Variants in XKRX observed in about 807,000 individuals in gnomAD.
XKRX encodes the protein XK related X-linked.
XKRX carries 11 observed loss-of-function variants against 22.4 expected under a neutral mutation model. That is an observed-to-expected ratio of 0.49 (90% CI 0.31 to 0.81). The LOEUF (loss-of-function observed/expected upper bound fraction) is 0.81, where lower values mean the gene tolerates loss of function less well. Ranked by LOEUF, XKRX falls within the 40% of genes least tolerant of loss-of-function variation. The pLI is 0.05. For synonymous variants in XKRX, 114 were observed against 132.2 expected, an observed-to-expected ratio of 0.86 and a Z score of 0.94; for missense variants, 320 against 336.5, an observed-to-expected ratio of 0.95 and a Z score of 0.38.
At chrX:100,906,155 T>C in the XKRX span, among the ~76,000 whole-genome samples, 1 of 111,560 alleles carries the variant, frequency 9.0e-6, no homozygotes, top group South Asian at 3.8e-4. Context: ...AGATTTTCCA[T>C]ATATCCCCTC....
chrX:100,888,437 T>G, the XKRX span: 1 of 1,000,753 alleles, frequency 1.0e-6, no homozygotes, highest in Non-Finnish European at 1.4e-6. Context: ...CCTGGAGCGC[T>G]TGGTGTTTGG....
chrX:100,916,728 G>A (rs1456628044), intron 2 of XKRX, among the ~76,000 whole-genome samples: 4 of 112,778 alleles, frequency 3.5e-5, no homozygotes, highest in Non-Finnish European at 5.6e-5. Flanking sequence ...CTTCACTGCT[G>A]TATTCCCATA....
rs1359396583 is a variant in XKRX, at chrX:100,914,009, C to G, written c.*329G>C. ...CTCAGCCCAGGAAAGCTCAGAAATG[C>G]ATCAAGCAAATGAGCAGAGCTAGAA... On this transcript the variant is annotated 3_prime_UTR_variant, in exon 3 of 3. Coordinates refer to ENST00000372956, the MANE Select transcript of XKRX (RefSeq NM_212559.3). The G allele has an allele frequency of 4.6e-6, 1 of 217,692 alleles. No individual in the cohort carries two copies. The highest frequency in any genetic ancestry group is 6.5e-5 in the Admixed American group (1 of 15,314). 17.9% of individuals were successfully genotyped at this position (217,692 alleles called of 1,213,427 possible).
rs2085508372 is a variant in XKRX at position 100,928,543 on chromosome X, C to A, written c.-239G>T. The A allele has an allele frequency of 4.0e-6, 4 of 1,002,290 alleles. No individual in the cohort carries two copies. The highest frequency in any genetic ancestry group is 5.0e-6 in the Non-Finnish European group (4 of 795,689). The allele number at this position is 1,002,290 out of a possible 1,213,427, so 82.6% of individuals were successfully genotyped here. Reference sequence around the variant, plus strand: ...CACTTTGAACTTGACTCTTGATTGGCCCCGATTCCAATCGTCAACATACTT... The same window carrying A: ...CACTTTGAACTTGACTCTTGATTGGACCCGATTCCAATCGTCAACATACTT... On this transcript the variant is annotated 5_prime_UTR_variant, in exon 1 of 3. Transcript: ENST00000372956.
chrX:100,893,218 G>A, the XKRX span, among the ~76,000 whole-genome samples: 2 of 111,738 alleles, frequency 1.8e-5, no homozygotes, highest in Non-Finnish European at 3.8e-5. Context: ...ACAAAGTTTC[G>A]GTGAGGATGA....
chrX:100,927,705 C>A (rs2147944330), intron 1 of XKRX, among the ~76,000 whole-genome samples: 1 of 111,779 alleles, frequency 8.9e-6, no homozygotes, highest in African/African-American at 3.2e-5. Flanking sequence ...ACAGGGTGAT[C>A]ACGTCTTGTT....
chrX:100,887,772 G>T, the XKRX span: 1 of 856,000 alleles, frequency 1.2e-6, no homozygotes, highest in African/African-American at 2.0e-5. Context: ...CTCCCTTCAC[G>T]GGTCCAAAAT....
At chrX:100,921,824 C>CTTTTTT (rs769704465) in intron 2 of XKRX, among the ~76,000 whole-genome samples, 5 of 56,341 alleles carry the variant, frequency 8.9e-5, no homozygotes, top group African/African-American at 4.7e-4. Context: ...TAACCCCACG[C>CTTTTTT]TTTTTTTTTT....
chrX:100,891,763 A>AAAGAAAGAAAAAAAGAAAG, the XKRX span, among the ~76,000 whole-genome samples: 1 of 59,207 alleles, frequency 1.7e-5, no homozygotes, highest in African/African-American at 8.7e-5. Flanking sequence ...AAGAAAGAAG[A>AAAGAAAGAAAAAAAGAAAG]AAAGAAAGAA....
chrX:100,937,425 T>G, the XKRX span, among the ~76,000 whole-genome samples: 1 of 112,175 alleles, frequency 8.9e-6, no homozygotes, highest in Admixed American at 9.5e-5. Flanking sequence ...AGTTTACCAT[T>G]TCTTAGGCAG....
the XKRX span, among the ~76,000 whole-genome samples, chrX:100,891,865 CCTTAT>C: frequency 5.5e-5 from 6 of 109,576 alleles, no homozygotes; most frequent in African/African-American, 1.7e-4. Context: ...GAAACTGGAC[CCTTAT>C]CTTATACTAT....
At chrX:100,908,583 C>A (rs1271628041), downstream of XKRX, among the ~76,000 whole-genome samples, 1 of 111,891 alleles carries the variant, frequency 8.9e-6, no homozygotes, top group Non-Finnish European at 1.9e-5. Context: ...GCCAATCCTT[C>A]AGGAGGAAAG....
intron 2 of XKRX, among the ~76,000 whole-genome samples, chrX:100,915,352 G>A (rs1450447841): frequency 4.5e-5 from 5 of 110,207 alleles, no homozygotes; most frequent in Non-Finnish European, 1.9e-5. Flanking sequence ...AAGCCACAAT[G>A]AGATATCACC....
chrX:100,939,844 T>C, the XKRX span, among the ~76,000 whole-genome samples: 2 of 112,420 alleles, frequency 1.8e-5, no homozygotes, highest in African/African-American at 6.5e-5. Context: ...TAAAAAGATA[T>C]ATCATTCATA....
chrX:100,942,636 A>G, the XKRX span, among the ~76,000 whole-genome samples: 1 of 111,765 alleles, frequency 8.9e-6, no homozygotes, highest in African/African-American at 3.2e-5. Flanking sequence ...TGATCCAACT[A>G]CTATGCCAAT....
At chrX:100,908,757 G>A (rs1261138902), downstream of XKRX, among the ~76,000 whole-genome samples, 2 of 111,717 alleles carry the variant, frequency 1.8e-5, no homozygotes, top group East Asian at 2.8e-4. Flanking sequence ...AAGCCCCATG[G>A]GCTTAGATGG....
the XKRX span, among the ~76,000 whole-genome samples, chrX:100,904,209 G>A: frequency 9.0e-6 from 1 of 111,606 alleles, no homozygotes; most frequent in Non-Finnish European, 1.9e-5. Flanking sequence ...TGGTAAAGGA[G>A]CAAATGCAAT....
At chrX:100,904,840 T>A in the XKRX span, among the ~76,000 whole-genome samples, 18 of 111,317 alleles carry the variant, frequency 1.6e-4, no homozygotes, top group Middle Eastern at 9.2e-3. Context: ...GCCAAACGGG[T>A]CAGGAAAGGA....
the XKRX span, among the ~76,000 whole-genome samples, chrX:100,898,566 A>T: frequency 1.6e-4 from 16 of 103,166 alleles, no homozygotes; most frequent in African/African-American, 5.7e-4. Context: ...GGAATAATGG[A>T]TTTCAAAAGC....
Sources: gnomAD v4.1 joint callset for allele counts (sites outside exome capture counted in the v4.1 genomes callset) on GRCh38, gnomAD v4.1.1 for gene constraint, MANE v1.5 for transcripts, NCBI Gene and HGNC (gene_info 2026-07-23, HGNC 2026-07-21) for gene names.